The following PDS5B variants were observed in gnomAD, a reference collection of about 807,000 sequenced individuals.
PDS5B encodes PDS5 cohesin associated factor B.
PDS5B carries 51 observed loss-of-function variants against 184.1 expected under a neutral mutation model. The observed-to-expected ratio is 0.28, with a 90% confidence interval of 0.22 to 0.35. The LOEUF (loss-of-function observed/expected upper bound fraction) is 0.35, where lower values mean the gene tolerates loss of function less well. PDS5B is among the 10% of genes least tolerant of loss of function. The pLI, the probability that PDS5B is intolerant of heterozygous loss-of-function variation, is 1.00. For synonymous variants in PDS5B, 566 were observed against 569.2 expected (o/e 0.99, Z 0.08); for missense variants, 1,180 against 1,723.3 (o/e 0.68, Z 5.58).
chr13:32,602,931 T>A (rs867803326), intron 1 of PDS5B, among the ~76,000 whole-genome samples: 4 of 152,244 alleles, frequency 2.6e-5, no homozygotes, highest in South Asian at 2.1e-4. Flanking sequence ...GCCTACTTTT[T>A]GATGGGGTTG....
intron 21 of PDS5B, among the ~76,000 whole-genome samples, chr13:32,737,245 G>A (rs1447278405): frequency 1.3e-5 from 2 of 152,124 alleles, no homozygotes; most frequent in African/African-American, 4.8e-5. Flanking sequence ...GCTATCGTCA[G>A]ATCACTTCCA....
intron 1 of PDS5B, among the ~76,000 whole-genome samples, chr13:32,646,482 G>C (rs1321552365): frequency 7.1e-6 from 1 of 140,110 alleles, no homozygotes; most frequent in East Asian, 2.4e-4. Context: ...GAATGGTATT[G>C]CTGTGAACAT....
chr13:32,743,103 A>G (rs148942865), intron 23 of PDS5B, among the ~76,000 whole-genome samples: 4 of 152,140 alleles, frequency 2.6e-5, no homozygotes, highest in Non-Finnish European at 5.9e-5. Context: ...AAATAAATGC[A>G]TACTTTAAAG....
intron 16 of PDS5B, 168 bp from the exon 17 acceptor site, chr13:32,701,155 T>C (rs1951850727): frequency 2.0e-6 from 1 of 510,666 alleles, no homozygotes; most frequent in Non-Finnish European, 3.5e-6. Context: ...ACCTTTTTCA[T>C]ATGCTAAATC....
intron 1 of PDS5B, among the ~76,000 whole-genome samples, chr13:32,645,390 C>G (rs1025422404): frequency 6.6e-6 from 1 of 152,164 alleles, no homozygotes; most frequent in African/African-American, 2.4e-5. Context: ...ATTTGTATGA[C>G]ATGGGAAATA....
At position 32,688,469 on chromosome 13, in the gene PDS5B, C is replaced by T. The variant is rs369886085; in HGVS notation, c.1369C>T (p.Arg457Trp). The T allele has an allele frequency of 5.7e-6, 9 of 1,573,526 alleles. No homozygotes were observed. The highest frequency in any genetic ancestry group is 1.7e-4 in the Middle Eastern group (1 of 5,894). ...GCTTTTTTGTAGACTACTTGTTGAA[C>T]GGATCTTTGCTCAATACATGGTTCC... is the stretch of plus-strand genomic sequence containing the variant. ...NSIDDRLLVE[R>W]IFAQYMVPHN... The change falls in exon 13 of 35, where the codon CGG becomes TGG. Residue 457 changes from arginine to tryptophan, a missense_variant. By Grantham distance (101) the Arg-to-Trp change is moderately radical. Coordinates refer to ENST00000315596, the MANE Select transcript of PDS5B (RefSeq NM_015032.4).
chr13:32,590,505 C>T (rs1459196093), intron 1 of PDS5B, among the ~76,000 whole-genome samples: 2 of 152,070 alleles, frequency 1.3e-5, no homozygotes, highest in African/African-American at 4.8e-5. Flanking sequence ...TTTTCAGTGG[C>T]AGTTGAGGTT....
chr13:32,662,303 A>G (rs1950671087), intron 6 of PDS5B, among the ~76,000 whole-genome samples: 1 of 152,140 alleles, frequency 6.6e-6, no homozygotes, highest in African/African-American at 2.4e-5. Context: ...ATAAAGCACA[A>G]ATTGAAAGAA....
chr13:32,685,758 T>A (rs2140817394), intron 11 of PDS5B, among the ~76,000 whole-genome samples: 1 of 152,248 alleles, frequency 6.6e-6, no homozygotes, highest in African/African-American at 2.4e-5. Context: ...TCCTCCCACC[T>A]CAGCCTCCTG....
chr13:32,624,362 T>G (rs1164264554), intron 1 of PDS5B, among the ~76,000 whole-genome samples: 1 of 152,202 alleles, frequency 6.6e-6, no homozygotes, highest in East Asian at 1.9e-4. Context: ...GCATTTTGGG[T>G]AGTTTCTTCA....
intron 10 of PDS5B, among the ~76,000 whole-genome samples, chr13:32,680,043 G>C: frequency 6.6e-6 from 1 of 151,922 alleles, no homozygotes; most frequent in East Asian, 1.9e-4. Flanking sequence ...GTTTTTTGGG[G>C]AATTTTTCTT....
intron 31 of PDS5B, among the ~76,000 whole-genome samples, chr13:32,769,760 A>G (rs972030909): frequency 1.5e-4 from 23 of 152,304 alleles, no homozygotes; most frequent in Non-Finnish European, 2.6e-4. Context: ...TTGACTATCC[A>G]AACAGATACT....
rs58328470 is a variant in PDS5B at position 32,626,610 on chromosome 13, GT to G, written c.-19-22134del. Among the ~76,000 whole-genome samples, 34 of 148,304 alleles carry G rather than the reference GT, an allele frequency of 2.3e-4. 1 individual carries two copies. Among genetic ancestry groups the G allele is most frequent in the South Asian group, 1.3e-3 (6 of 4,684 alleles). On this transcript the variant is annotated intron_variant, in intron 1 of 34. Coordinates refer to ENST00000315596, the MANE Select transcript of PDS5B (RefSeq NM_015032.4). ...TTTTTGACATGTTTTCAGTCTTGCT[GT>G]TTTTTTTTTATTTTCTTTGCCTTGT...
intron 26 of PDS5B, among the ~76,000 whole-genome samples, chr13:32,757,294 C>G (rs563319374): frequency 1.3e-5 from 2 of 152,002 alleles, no homozygotes; most frequent in African/African-American, 2.4e-5. Flanking sequence ...TCTAAGTAGC[C>G]CCAGTGTAGC....
At chr13:32,753,245 C>A in intron 24 of PDS5B, 87 bp from the exon 25 acceptor site, 1 of 1,061,406 alleles carries the variant, frequency 9.4e-7, no homozygotes, top group Non-Finnish European at 1.4e-6. Context: ...ACTGTTTACT[C>A]TTTACTTAAA....
At chr13:32,688,962 T>C (rs1257053925) in intron 13 of PDS5B, 2 of 198,240 alleles carry the variant, frequency 1.0e-5, no homozygotes, top group Non-Finnish European at 2.1e-5. Flanking sequence ...TGGAGAGCAG[T>C]AGGCTGCAGA....
Position 32,760,441 on chromosome 13 carries a change from C to T in PDS5B, c.3373-134C>T, listed in dbSNP as rs1593629088. On this transcript the variant is annotated intron_variant, in intron 29 of 34. Transcript: ENST00000315596. ...AGTGATATTTAGTTTATACTTATTA[C>T]TTTGCTTAAGGATAGACACATTTTT... The T allele has an allele frequency of 1.1e-5, 8 of 739,968 alleles. No individual in the cohort carries two copies. In the South Asian group the frequency reaches 1.2e-4, roughly 11 times the overall value. 45.8% of individuals were successfully genotyped at this position (739,968 alleles called of 1,614,324 possible). A position where few individuals can be genotyped will look rare whatever the true frequency, so the allele number is the denominator to read the frequency against.
At chr13:32,664,301 T>C (rs1043963138) in intron 6 of PDS5B, among the ~76,000 whole-genome samples, 2 of 151,778 alleles carry the variant, frequency 1.3e-5, no homozygotes, top group African/African-American at 2.4e-5. Flanking sequence ...ATAGAAAATA[T>C]AAGAACATTC....
chr13:32,742,822 T>A (rs540366033), intron 23 of PDS5B, 95 bp downstream of exon 23: 60 of 1,099,876 alleles, frequency 5.5e-5, no homozygotes, highest in East Asian at 4.4e-4. Context: ...CTTTTTTTTT[T>A]AAATTAGAAT....
Sources: gnomAD v4.1 joint callset for allele counts (sites outside exome capture counted in the v4.1 genomes callset) on GRCh38, gnomAD v4.1.1 for gene constraint, MANE v1.5 for transcripts, NCBI Gene and HGNC (gene_info 2026-07-23, HGNC 2026-07-21) for gene names.